Variants in MAST1 observed in about 807,000 individuals in gnomAD.
MAST1 encodes the protein microtubule-associated serine/threonine-protein kinase 1.
In MAST1, 40 loss-of-function variants were observed where a neutral mutation model predicts 124.6. The observed-to-expected ratio is 0.32, with a 90% confidence interval of 0.25 to 0.42. MAST1 has a LOEUF of 0.42. Among genes scored for constraint, MAST1 ranks in the 10% least tolerant of loss-of-function variants. MAST1 has a pLI of 1.00. For missense variants in MAST1, 1,558 were observed against 2,181.9 expected (o/e 0.71, Z 5.70); for synonymous variants, 938 against 939.4 (o/e 1.00, Z 0.03).
chr19:12,871,103 G>A lies in MAST1; in HGVS notation c.3194G>A (p.Arg1065Lys), dbSNP rs1191021895. 5 of 1,614,112 alleles carry A rather than the reference G, an allele frequency of 3.1e-6. No homozygotes were observed. In the African/African-American group the frequency reaches 6.7e-5, roughly 22 times the overall value. Residue 1065 changes from arginine (R) to lysine (K), a missense_variant, in exon 24 of 26, where the codon AGG becomes AAG. Arg to Lys is a conservative substitution (Grantham distance 26). Around this residue, in one of 10 missense-constraint regions of MAST1, gnomAD observed 291 missense variants for 475.8 expected, o/e 0.61. Transcript: ENST00000251472. ...ENTSIRIGPA[R>K]RSSYKAKMAR... ...ACCTCTATCCGCATTGGTCCCGCAA[G>A]GCGCAGCAGCTACAAGGCTAAAATG...
chr19:12,849,990 G>T (rs944126499), intron 7 of MAST1, among the ~76,000 whole-genome samples: 1 of 151,618 alleles, frequency 6.6e-6, no homozygotes, highest in Non-Finnish European at 1.5e-5. Context: ...TCGAGGCAGG[G>T]TTTCACCATG....
At chr19:12,860,584 A>G (rs1331035215) in intron 12 of MAST1, among the ~76,000 whole-genome samples, 1 of 149,844 alleles carries the variant, frequency 6.7e-6, no homozygotes, top group Non-Finnish European at 1.5e-5. Context: ...AGCTGGGATT[A>G]CAGGTGTGTG....
chr19:12,844,001 C>G (rs149791872), intron 4 of MAST1, among the ~76,000 whole-genome samples: 235 of 152,122 alleles, frequency 1.5e-3, no homozygotes, highest in African/African-American at 5.2e-3. Context: ...GACCCTGTCT[C>G]AAAAGAAAAA....
At position 12,840,975 on chromosome 19, in the gene MAST1, CCT is replaced by C. The variant is rs1568406177; in HGVS notation, c.173-13_173-12del. 9.9e-7 allele frequency: 1 copy of C among 1,006,636 alleles called. No individual in the cohort carries two copies. The highest frequency in any genetic ancestry group is 1.7e-5 in the Admixed American group (1 of 59,300). The allele number at this position is 1,006,636 out of a possible 1,614,324, so 62.4% of individuals were successfully genotyped here. ...ACGAGAGACCTGACAGGATTTGCCC[CCT>C]CTTTCTCTCATAGGCAGCAGTCCCC... On this transcript the variant is annotated splice_polypyrimidine_tract_variant and intron_variant, in intron 2 of 25. Coordinates refer to ENST00000251472, the MANE Select transcript of MAST1 (RefSeq NM_014975.3).
chr19:12,859,698 G>A (rs1421567874), intron 12 of MAST1, among the ~76,000 whole-genome samples: 2 of 151,906 alleles, frequency 1.3e-5, no homozygotes, highest in African/African-American at 4.8e-5. Context: ...CGTGGCTGAA[G>A]TGGGAGGATT....
Position 12,873,823 on chromosome 19 carries a change from G to T in MAST1, c.3666G>T (p.Pro1222=), listed in dbSNP as rs1411639410. The change falls in exon 26 of 26, where the codon CCG becomes CCT. Residue 1222 remains proline (P), a synonymous_variant. Transcript: ENST00000251472. The part of the protein sequence containing the change: ...SPTQASPPPL[P]GHTVGSSHTT... ...CGCAGGCGTCACCGCCGCCACTGCCGGGCCACACGGTGGGCAGCTCGCACA... is the reference window on the plus strand; with the variant it reads ...CGCAGGCGTCACCGCCGCCACTGCCTGGCCACACGGTGGGCAGCTCGCACA... The T allele has an allele frequency of 6.3e-7, 1 of 1,593,190 alleles. No individual in the cohort carries two copies.
At position 12,841,106 on chromosome 19, in the gene MAST1, A is replaced by T. The variant is rs1355392694; in HGVS notation, c.248+40A>T. Reference sequence around the variant, plus strand: ...TCCAGGGCCCCAGAACCCTGGGCAGACCCTCCCCAACCACTGTCTGGGCCG... The same window carrying T: ...TCCAGGGCCCCAGAACCCTGGGCAGTCCCTCCCCAACCACTGTCTGGGCCG... On this transcript the variant is annotated intron_variant, in intron 3 of 25. Coordinates refer to ENST00000251472, the MANE Select transcript of MAST1 (RefSeq NM_014975.3). The surrounding 1 kb of genome is among the most constrained non-coding windows in gnomAD (Gnocchi z 4.3). 1 of 912,956 alleles carries T rather than the reference A, an allele frequency of 1.1e-6. No individual in the cohort carries two copies. The highest frequency in any genetic ancestry group is 1.3e-5 in the South Asian group (1 of 74,144). The allele number at this position is 912,956 out of a possible 1,614,324, so 56.6% of individuals were successfully genotyped here. A position where few individuals can be genotyped will look rare whatever the true frequency, so the allele number is the denominator to read the frequency against.
In MAST1 at chr19:12,873,685, G is replaced by A. The variant is rs1474587659; in HGVS notation, c.3528G>A (p.Arg1176=). The change falls in exon 26 of 26, where the codon CGG becomes CGA. Residue 1176 remains arginine, a synonymous_variant. Coordinates refer to ENST00000251472, the MANE Select transcript of MAST1 (RefSeq NM_014975.3). ...CGTCGTCGGCGTCGCACCACATTCGGCCCAGCACGCTGCACGGACTGTCGC... is the reference window on the plus strand; with the variant it reads ...CGTCGTCGGCGTCGCACCACATTCGACCCAGCACGCTGCACGGACTGTCGC... The part of the protein sequence containing the change: ...SPASSASHHI[R]PSTLHGLSPK... The A allele has an allele frequency of 6.2e-7, 1 of 1,601,148 alleles. No individual in the cohort carries two copies. Among genetic ancestry groups the A allele is most frequent in the East Asian group, 2.2e-5 (1 of 44,774 alleles).
chr19:12,867,091 TTTTA>T (rs1255323660), intron 18 of MAST1, among the ~76,000 whole-genome samples: 2 of 152,136 alleles, frequency 1.3e-5, no homozygotes, highest in Non-Finnish European at 2.9e-5. Flanking sequence ...GAAGTCTTGC[TTTTA>T]TTTATTTATT....
chr19:12,866,260 G>A lies in MAST1; in HGVS notation c.2029+158G>A, dbSNP rs186424647. Reference sequence around the variant, plus strand: ...TGGTGGGGGCGGGGCCAAGTGGGGCGGGGCTGACATACAGGCGGGGCTCAG... The same window carrying A: ...TGGTGGGGGCGGGGCCAAGTGGGGCAGGGCTGACATACAGGCGGGGCTCAG... On this transcript the variant is annotated intron_variant, in intron 17 of 25. Transcript: ENST00000251472. This position sits in a 1 kb window ranked among gnomAD's most constrained non-coding sequence, Gnocchi z 5.2. Among the ~76,000 whole-genome samples, 4 of 152,174 alleles carry A rather than the reference G, an allele frequency of 2.6e-5. No individual in the cohort carries two copies. The East Asian group carries it at 7.7e-4, about 29-fold the overall frequency.
intron 12 of MAST1, 102 bp downstream of exon 12, chr19:12,858,841 C>G: frequency 9.2e-7 from 1 of 1,087,848 alleles, no homozygotes; most frequent in South Asian, 1.3e-5. Context: ...GATTAGTCGG[C>G]CTGTATGTTT....
chr19:12,848,378 G>C, intron 7 of MAST1: 1 of 293,916 alleles, frequency 3.4e-6, no homozygotes, highest in South Asian at 3.4e-5. Flanking sequence ...CCAGCACTTT[G>C]GGAGGCCGAG....
Position 12,858,405 on chromosome 19 carries a change from T to G in MAST1, c.1121T>G (p.Phe374Cys). Reference protein sequence around the residue: ...KAKKPPGENDFDTIKLISNGA... With the variant: ...KAKKPPGENDCDTIKLISNGA... ...AAGAAACCGCCGGGGGAGAATGACT[T>G]CGATACCATCAAGCTCATAAGCAAC... Residue 374 changes from phenylalanine (F) to cysteine (C), a missense_variant, in exon 11 of 26, where the codon TTC becomes TGC. Physicochemically the swap from Phe to Cys is radical, Grantham distance 205. Around this residue, in one of 10 missense-constraint regions of MAST1, gnomAD observed 136 missense variants for 160.9 expected, o/e 0.85. Coordinates refer to ENST00000251472, the MANE Select transcript of MAST1 (RefSeq NM_014975.3). 1 of 1,613,814 alleles carries G rather than the reference T, an allele frequency of 6.2e-7. No homozygotes were observed. The highest frequency in any genetic ancestry group is 8.5e-7 in the Non-Finnish European group (1 of 1,179,956).
intron 22 of MAST1, among the ~76,000 whole-genome samples, chr19:12,870,539 A>G (rs1232496403): frequency 1.3e-5 from 2 of 148,266 alleles, no homozygotes; most frequent in South Asian, 2.1e-4. Context: ...GCGCATGCCT[A>G]TAATCCCAGC....
Position 12,865,223 on chromosome 19 carries a change from C to A in MAST1, c.1638+45C>A. The A allele has an allele frequency of 6.2e-7, 1 of 1,600,632 alleles. No individual in the cohort carries two copies. Among genetic ancestry groups the A allele is most frequent in the Non-Finnish European group, 8.5e-7 (1 of 1,172,224 alleles). ...GGTCGCTGAGGGTGGAGTGACCCTG[C>A]AGGACCTCGGGAACCCAGGGCCTGG... is the stretch of plus-strand genomic sequence containing the variant. On this transcript the variant is annotated intron_variant, in intron 14 of 25. Coordinates refer to ENST00000251472, the MANE Select transcript of MAST1 (RefSeq NM_014975.3). This position sits in a 1 kb window ranked among gnomAD's most constrained non-coding sequence, Gnocchi z 7.1.
intron 18 of MAST1, 151 bp from the exon 19 acceptor site, chr19:12,867,323 G>A: frequency 1.2e-6 from 1 of 857,690 alleles, no homozygotes; most frequent in Non-Finnish European, 1.9e-6. Context: ...CTGAACTGAA[G>A]AATTGTAGGT....
At position 12,847,467 on chromosome 19, in the gene MAST1, C is replaced by T. The variant is rs758522111; in HGVS notation, c.488+17C>T. 6.2e-7 allele frequency: 1 copy of T among 1,613,352 alleles called. No homozygotes were observed. The highest frequency in any genetic ancestry group is 8.5e-7 in the Non-Finnish European group (1 of 1,179,756). ...GAGCCTCAGGTGGGCAGGCATCCCT[C>T]CTCCTTCGTACCAAGCTAGTGGTCT... is the stretch of plus-strand genomic sequence containing the variant. On this transcript the variant is annotated intron_variant, in intron 5 of 25. Coordinates refer to ENST00000251472, the MANE Select transcript of MAST1 (RefSeq NM_014975.3). The surrounding 1 kb of genome is among the most constrained non-coding windows in gnomAD (Gnocchi z 5.5).
chr19:12,846,856 A>G (rs1969899910), intron 4 of MAST1, among the ~76,000 whole-genome samples: 1 of 141,796 alleles, frequency 7.1e-6, no homozygotes, highest in African/African-American at 2.7e-5. Flanking sequence ...GGCAACAAGA[A>G]CGAAACTCCA....
At chr19:12,840,556 TG>T in intron 2 of MAST1, 22 bp downstream of exon 2, 1 of 1,577,060 alleles carries the variant, frequency 6.3e-7, no homozygotes, top group African/African-American at 1.3e-5. Context: ...GGTAGAGACT[TG>T]GTGGGTGCAG....
Sources: allele counts gnomAD v4.1 joint callset (sites outside exome capture counted in the v4.1 genomes callset), GRCh38; gene constraint gnomAD v4.1.1; regional missense constraint gnomAD v4.1.1; non-coding constraint Gnocchi (gnomAD v3.1); transcripts MANE v1.5; gene names NCBI Gene and HGNC (gene_info 2026-07-23, HGNC 2026-07-21).